Variants in SDCCAG8 observed in about 807,000 individuals in gnomAD.
SDCCAG8 encodes serologically defined colon cancer antigen 8.
A neutral mutation model predicts 101.8 loss-of-function variants in SDCCAG8; 74 were observed. The observed-to-expected ratio is 0.73, with a 90% CI of 0.60 to 0.88. The LOEUF (loss-of-function observed/expected upper bound fraction) is 0.88. Ranked by LOEUF, SDCCAG8 falls within the 40% of genes least tolerant of loss-of-function variation. The pLI, the probability that SDCCAG8 is intolerant of heterozygous loss-of-function variation, is 0.00. For missense variants in SDCCAG8, 787 were observed against 822.6 expected (o/e 0.96, Z 0.53); for synonymous variants, 281 against 292.9 (o/e 0.96, Z 0.41).
Position 243,307,050 on chromosome 1 carries a change from AGTTTTTTTTT to A in SDCCAG8, c.741-928_741-919del, listed in dbSNP as rs1260670791. 3.6e-3 allele frequency among the ~76,000 whole-genome samples: 542 copies of A among 151,158 alleles called. 5 individuals carry two copies. Among genetic ancestry groups the A allele is most frequent in the African/African-American group, 0.012 (496 of 40,954 alleles). ...CAGTAGTCTCATTTTTCAGCTAGAA[AGTTTTTTTTT>A]GTTTTTTTTTTTTTTGAAGTACAAA... On this transcript the variant is annotated intron_variant, in intron 7 of 17. Transcript: ENST00000366541.
intron 13 of SDCCAG8, among the ~76,000 whole-genome samples, chr1:243,404,396 G>T (rs916873355): frequency 6.6e-6 from 1 of 152,018 alleles, no homozygotes; most frequent in East Asian, 1.9e-4. Flanking sequence ...TTGAAGCAGA[G>T]GAAATAATTA....
intron 16 of SDCCAG8, among the ~76,000 whole-genome samples, chr1:243,483,772 C>T (rs1168290286): frequency 2.0e-5 from 3 of 152,180 alleles, no homozygotes; most frequent in Admixed American, 2.0e-4. Context: ...CAGGATCCCA[C>T]TCTCAGTGTC....
chr1:243,475,356 G>A (rs1662197131), intron 16 of SDCCAG8, among the ~76,000 whole-genome samples: 1 of 152,194 alleles, frequency 6.6e-6, no homozygotes, highest in African/African-American at 2.4e-5. Flanking sequence ...AGGAGTGGGG[G>A]CTGTGACTGG....
chr1:243,413,207 TTTTA>T (rs929671123), intron 13 of SDCCAG8, among the ~76,000 whole-genome samples: 1 of 152,162 alleles, frequency 6.6e-6, no homozygotes, highest in African/African-American at 2.4e-5. Context: ...TATTTTTTAT[TTTTA>T]TTTATCTATT....
At chr1:243,409,561 G>A (rs138516930) in intron 13 of SDCCAG8, among the ~76,000 whole-genome samples, 26 of 152,164 alleles carry the variant, frequency 1.7e-4, no homozygotes, top group Admixed American at 1.0e-3. Context: ...CAGCTCCTTG[G>A]TCAAATGCTG....
intron 16 of SDCCAG8, among the ~76,000 whole-genome samples, chr1:243,427,975 G>A (rs2081455109): frequency 1.3e-5 from 2 of 152,144 alleles, no homozygotes; most frequent in Admixed American, 1.3e-4. Flanking sequence ...ACAACCCTTG[G>A]AAAAAGTAAA....
chr1:243,364,532 C>T (rs1214418374), intron 12 of SDCCAG8, among the ~76,000 whole-genome samples: 2 of 152,114 alleles, frequency 1.3e-5, no homozygotes, highest in Non-Finnish European at 2.9e-5. Flanking sequence ...AGAGAGGTGA[C>T]CTCAGCCAGA....
intron 13 of SDCCAG8, among the ~76,000 whole-genome samples, chr1:243,411,441 T>A (rs1268581124): frequency 1.3e-5 from 2 of 152,140 alleles, no homozygotes; most frequent in Non-Finnish European, 2.9e-5. Flanking sequence ...TTTATTGGGG[T>A]AAATTTAAAT....
chr1:243,330,822 T>C, intron 10 of SDCCAG8, 130 bp downstream of exon 10: 1 of 813,960 alleles, frequency 1.2e-6, no homozygotes, highest in South Asian at 1.7e-5. Flanking sequence ...AGTAGTTAAA[T>C]TTCGTATAAT....
intron 16 of SDCCAG8, among the ~76,000 whole-genome samples, chr1:243,443,316 C>T (rs1415021869): frequency 6.6e-6 from 1 of 152,180 alleles, no homozygotes; most frequent in Non-Finnish European, 1.5e-5. Flanking sequence ...AATTTATTGC[C>T]TTTGTACCAG....
intron 3 of SDCCAG8, among the ~76,000 whole-genome samples, chr1:243,273,497 G>A (rs778525431): frequency 6.6e-5 from 10 of 152,114 alleles, no homozygotes; most frequent in Admixed American, 2.0e-4. Context: ...AAATCTCTTC[G>A]TTGGACCCCT....
At chr1:243,316,207 C>T (rs2073216899) in intron 8 of SDCCAG8, among the ~76,000 whole-genome samples, 1 of 152,084 alleles carries the variant, frequency 6.6e-6, no homozygotes, top group African/African-American at 2.4e-5. Flanking sequence ...AGGAGTTCAA[C>T]AGTACTAATC....
intron 13 of SDCCAG8, among the ~76,000 whole-genome samples, chr1:243,394,783 C>T (rs182810601): frequency 1.1e-4 from 17 of 151,902 alleles, no homozygotes; most frequent in African/African-American, 4.1e-4. Flanking sequence ...CACCTAGCAG[C>T]GCCCTTAGAA....
At chr1:243,323,561 A>G (rs769110607) in intron 9 of SDCCAG8, among the ~76,000 whole-genome samples, 10 of 152,140 alleles carry the variant, frequency 6.6e-5, no homozygotes, top group Non-Finnish European at 1.3e-4. Flanking sequence ...TTGTTTAAGT[A>G]AACAAAAAGC....
intron 6 of SDCCAG8, among the ~76,000 whole-genome samples, chr1:243,295,098 A>G (rs760371286): frequency 2.0e-4 from 30 of 152,138 alleles, no homozygotes; most frequent in Non-Finnish European, 3.7e-4. Flanking sequence ...AGTAAATTGT[A>G]TCTTTTTTTT....
chr1:243,487,258 A>G (rs1326141659), intron 16 of SDCCAG8, among the ~76,000 whole-genome samples: 1 of 152,084 alleles, frequency 6.6e-6, no homozygotes, highest in Non-Finnish European at 1.5e-5. Flanking sequence ...ACTGTTCAGG[A>G]CAGCCCGGGC....
chr1:243,349,855 G>A (rs1291191527), intron 12 of SDCCAG8, among the ~76,000 whole-genome samples: 1 of 149,954 alleles, frequency 6.7e-6, no homozygotes, highest in Non-Finnish European at 1.5e-5. Context: ...TACCGGCATT[G>A]TATAAATTAT....
At chr1:243,484,827 C>CTT (rs1373118785) in intron 16 of SDCCAG8, among the ~76,000 whole-genome samples, 5 of 152,060 alleles carry the variant, frequency 3.3e-5, no homozygotes, top group African/African-American at 9.7e-5. Flanking sequence ...GGGCAGATCA[C>CTT]GAGGTCAGGA....
At chr1:243,387,107 A>T (rs2078353826) in intron 13 of SDCCAG8, among the ~76,000 whole-genome samples, 1 of 152,220 alleles carries the variant, frequency 6.6e-6, no homozygotes, top group African/African-American at 2.4e-5. Flanking sequence ...GCGGTGGCTT[A>T]TGCCGCTCAT....
Sources: gnomAD v4.1 joint callset for allele counts (sites outside exome capture counted in the v4.1 genomes callset) on GRCh38, gnomAD v4.1.1 for gene constraint, MANE v1.5 for transcripts, NCBI Gene and HGNC (gene_info 2026-07-23, HGNC 2026-07-21) for gene names.